SIMC1: variants seen among roughly 807,000 people sequenced by gnomAD.
The protein encoded by SIMC1 is SUMO interacting motifs containing 1, also known as SUMO-interacting motif-containing protein 1.
Under a neutral mutation model 82.3 loss-of-function variants are expected in SIMC1, and 55 were observed. The ratio of observed to expected loss-of-function variants is 0.67; its 90% CI spans 0.54 to 0.84. The LOEUF (loss-of-function observed/expected upper bound fraction) is 0.84, where lower values mean the gene tolerates loss of function less well. Among genes scored for constraint, SIMC1 ranks in the 40% least tolerant of loss-of-function variants. The pLI, the probability that SIMC1 is intolerant of heterozygous loss-of-function variation, is 0.00. For synonymous variants in SIMC1, 353 were observed against 426.3 expected, an observed-to-expected ratio of 0.83 and a Z score of 2.12; for missense variants, 915 against 1,107.2, an observed-to-expected ratio of 0.83 and a Z score of 2.46.
chr5:176,245,815 A>C (rs2113103961), intron 1 of SIMC1, among the ~76,000 whole-genome samples: 1 of 152,200 alleles, frequency 6.6e-6, no homozygotes, highest in Admixed American at 6.5e-5. Context: ...GTTTTGAGAT[A>C]ATTATCGTTA....
chr5:176,290,224 C>T lies in SIMC1; in HGVS notation c.700C>T (p.Pro234Ser), dbSNP rs550444078. ...TTTGCCATGCCCACCGAGAGCCTCA[C>T]CATGTCCACCACGAGCCTCCTCATG... ...RPLPCPPRAS[P>S]CPPRASSCPP... Residue 234 changes from proline (P) to serine (S), a missense_variant, in exon 2 of 10, where the codon CCA (proline) becomes TCA (serine). This residue lies in a region of SIMC1 where 902 missense variants were observed against 1,040.3 expected (regional missense o/e 0.87). Transcript: ENST00000429602. 22 of 1,613,424 alleles carry T rather than the reference C, an allele frequency of 1.4e-5. No individual in the cohort carries two copies. The highest frequency in any genetic ancestry group is 1.9e-5 in the Non-Finnish European group (22 of 1,179,612).
intron 7 of SIMC1, among the ~76,000 whole-genome samples, chr5:176,326,530 A>G (rs1343691644): frequency 6.6e-6 from 1 of 151,462 alleles, no homozygotes; most frequent in Non-Finnish European, 1.5e-5. Context: ...ACCGCACCCA[A>G]CCTTATTTAT....
chr5:176,320,330 ATTTTATTT>A (rs1765103449), intron 5 of SIMC1, among the ~76,000 whole-genome samples: 1 of 144,206 alleles, frequency 6.9e-6, no homozygotes, highest in Non-Finnish European at 1.5e-5. Flanking sequence ...AAGCCATCCT[ATTTTATTT>A]ATTTATTTAT....
At chr5:176,262,357 C>CA (rs1455768539) in intron 1 of SIMC1, among the ~76,000 whole-genome samples, 4 of 148,626 alleles carry the variant, frequency 2.7e-5, no homozygotes, top group African/African-American at 9.9e-5. Flanking sequence ...AGAACATCTA[C>CA]AAAAAACCTG....
Position 176,313,765 on chromosome 5 carries a change from C to T in SIMC1, c.1809C>T (p.Thr603=). Residue 603 remains threonine, a synonymous_variant, in exon 5 of 10, where the codon ACC becomes ACT. Transcript: ENST00000429602. ...VQTLEDDFQQ[T]LRRQRQHLQQ... is the part of the protein sequence containing the mutation. ...CCCTAGAAGATGACTTTCAGCAGAC[C>T]CTGAGGAGGCAACGGCAGCACCTGC... 1.2e-6 allele frequency: 2 copies of T among 1,613,926 alleles called. No individual in the cohort carries two copies. Among genetic ancestry groups the T allele is most frequent in the Non-Finnish European group, 1.7e-6 (2 of 1,179,856 alleles).
chr5:176,248,196 G>A (rs927847609), intron 1 of SIMC1, among the ~76,000 whole-genome samples: 1 of 152,074 alleles, frequency 6.6e-6, no homozygotes, highest in African/African-American at 2.4e-5. Context: ...ATTTCTTTGG[G>A]CAGTATGGCC....
At chr5:176,279,714 C>T (rs1187800170) in intron 1 of SIMC1, among the ~76,000 whole-genome samples, 1 of 150,690 alleles carries the variant, frequency 6.6e-6, no homozygotes, top group Non-Finnish European at 1.5e-5. Context: ...TTTATTTCTG[C>T]CTTCATTTCG....
chr5:176,290,804 C>T lies in SIMC1; in HGVS notation c.1280C>T (p.Pro427Leu), dbSNP rs757970583. ...PARKEISLSE[P>L]AKPGSAHVQS... ...AGAAAAGAAATATCACTGTCAGAGC[C>T]TGCCAAACCTGGGTCTGCCCACGTA... The change falls in exon 2 of 10, where the codon CCT (proline) becomes CTT (leucine). Residue 427 changes from proline (P) to leucine (L), a missense_variant. Around this residue, in one of 2 missense-constraint regions of SIMC1, gnomAD observed 902 missense variants for 1,040.3 expected, o/e 0.87. Transcript: ENST00000429602. 5.6e-6 allele frequency: 9 copies of T among 1,613,588 alleles called. No homozygotes were observed. The highest frequency in any genetic ancestry group is 7.6e-6 in the Non-Finnish European group (9 of 1,179,612).
At chr5:176,296,415 G>A in intron 4 of SIMC1, 95 bp downstream of exon 4, 1 of 1,595,452 alleles carries the variant, frequency 6.3e-7, no homozygotes. Flanking sequence ...TGTAATCCCA[G>A]CATTTTGGGA....
At chr5:176,312,536 C>CAA (rs10551875) in intron 4 of SIMC1, among the ~76,000 whole-genome samples, 9 of 70,016 alleles carry the variant, frequency 1.3e-4, no homozygotes, top group South Asian at 5.5e-4. Flanking sequence ...GACTCCATCT[C>CAA]AAAAAAAAAA....
intron 7 of SIMC1, among the ~76,000 whole-genome samples, chr5:176,332,537 G>T (rs1428459944): frequency 6.6e-6 from 1 of 152,068 alleles, no homozygotes; most frequent in Non-Finnish European, 1.5e-5. Context: ...TTATCCACCC[G>T]CCTCAGCCTC....
At chr5:176,312,656 C>T (rs1764716850) in intron 4 of SIMC1, among the ~76,000 whole-genome samples, 2 of 151,976 alleles carry the variant, frequency 1.3e-5, no homozygotes, top group African/African-American at 2.4e-5. Context: ...GATATTGTCA[C>T]CTCCTCCCAA....
intron 5 of SIMC1, among the ~76,000 whole-genome samples, chr5:176,319,688 C>G (rs1290194123): frequency 6.6e-6 from 1 of 152,126 alleles, no homozygotes; most frequent in Admixed American, 6.5e-5. Flanking sequence ...AAACTGTATT[C>G]TTATTTTCTT....
At chr5:176,320,349 T>TTATA (rs1174646025) in intron 5 of SIMC1, among the ~76,000 whole-genome samples, 11 of 149,164 alleles carry the variant, frequency 7.4e-5, no homozygotes, top group African/African-American at 2.7e-4. Context: ...ATTTATTTAT[T>TTATA]TATTTATTTA....
At chr5:176,305,170 G>A (rs1372883953) in intron 4 of SIMC1, among the ~76,000 whole-genome samples, 2 of 63,000 alleles carry the variant, frequency 3.2e-5, no homozygotes, top group African/African-American at 5.6e-5. Context: ...CTGGCCAGCC[G>A]TGCCGTCCGG....
chr5:176,281,973 G>A (rs1426199948), intron 1 of SIMC1, among the ~76,000 whole-genome samples: 2 of 152,192 alleles, frequency 1.3e-5, no homozygotes, highest in African/African-American at 2.4e-5. Context: ...GTCAGACAGG[G>A]ACATTTAAGT....
At chr5:176,273,683 T>G (rs942070968) in intron 1 of SIMC1, among the ~76,000 whole-genome samples, 6 of 151,640 alleles carry the variant, frequency 4.0e-5, no homozygotes. Context: ...GTCCCCAGAG[T>G]GTGATGTTTC....
chr5:176,302,441 GC>G (rs1764080666), intron 4 of SIMC1, among the ~76,000 whole-genome samples: 1 of 152,082 alleles, frequency 6.6e-6, no homozygotes, highest in Non-Finnish European at 1.5e-5. Flanking sequence ...TATGTGAAAA[GC>G]CCACAGTTGG....
intron 5 of SIMC1, among the ~76,000 whole-genome samples, chr5:176,320,430 C>A (rs994549553): frequency 3.3e-5 from 5 of 151,938 alleles, no homozygotes; most frequent in Admixed American, 2.0e-4. Flanking sequence ...TGCAGCAACC[C>A]GATCACAGCT....
Sources: allele counts gnomAD v4.1 joint callset (sites outside exome capture counted in the v4.1 genomes callset), GRCh38; gene constraint gnomAD v4.1.1; regional missense constraint gnomAD v4.1.1; transcripts MANE v1.5; gene names NCBI Gene and HGNC (gene_info 2026-07-23, HGNC 2026-07-21).